The following DNM2 variants were observed in gnomAD, a reference collection of about 807,000 sequenced individuals.
DNM2 encodes dynamin 2, also known as dynamin-2.
In DNM2, 15 loss-of-function variants were observed where a neutral mutation model predicts 99.0. That is an observed-to-expected ratio of 0.15 (90% CI 0.10 to 0.23). DNM2 has a LOEUF of 0.23. DNM2 is among the 10% of genes least tolerant of loss of function. The pLI is 1.00. For missense variants in DNM2, 742 were observed against 1,189.4 expected (o/e 0.62, Z 5.53); for synonymous variants, 525 against 481.2 (o/e 1.09, Z -1.19).
rs1555716924 is a variant in DNM2, at chr19:10,829,113, G to A, written c.2136G>A (p.Ser712=). The part of the protein sequence containing the change: ...SADQSSLMEE[S]ADQAQRRDDM... ...ACCAGAGCAGCCTCATGGAGGAGTCGGCTGACCAGGCACAGCGGCGGGACG... is the reference window on the plus strand; with the variant it reads ...ACCAGAGCAGCCTCATGGAGGAGTCAGCTGACCAGGCACAGCGGCGGGACG... The change falls in exon 19 of 21, where the codon TCG becomes TCA. Residue 712 remains serine (S), a synonymous_variant. Transcript: ENST00000389253. 36 of 1,614,012 alleles carry A rather than the reference G, an allele frequency of 2.2e-5. No homozygotes were observed. The highest frequency in any genetic ancestry group is 3.0e-5 in the Non-Finnish European group (35 of 1,180,008).
intron 10 of DNM2, among the ~76,000 whole-genome samples, chr19:10,798,064 C>T (rs1326669240): frequency 1.3e-5 from 2 of 152,112 alleles, no homozygotes; most frequent in Non-Finnish European, 2.9e-5. Flanking sequence ...GAGTTCCTAT[C>T]GAGGCTGATG....
chr19:10,806,814 T>A (rs1182784135), intron 13 of DNM2, among the ~76,000 whole-genome samples: 1 of 151,924 alleles, frequency 6.6e-6, no homozygotes, highest in Non-Finnish European at 1.5e-5. Context: ...ATAATAAAGA[T>A]ATAAATAAGA....
intron 1 of DNM2, among the ~76,000 whole-genome samples, chr19:10,725,564 T>C (rs1451455952): frequency 1.3e-5 from 2 of 152,146 alleles, no homozygotes; most frequent in African/African-American, 4.8e-5. Flanking sequence ...TATGGAAGGC[T>C]TGGTTCTGCC....
intron 5 of DNM2, among the ~76,000 whole-genome samples, chr19:10,779,466 A>G (rs1238983407): frequency 9.6e-6 from 1 of 104,174 alleles, no homozygotes; most frequent in Admixed American, 9.2e-5. Flanking sequence ...TCTTGCTGTT[A>G]TAAGTTTTTT....
chr19:10,775,744 G>C lies in DNM2; in HGVS notation c.427G>C (p.Val143Leu), dbSNP rs1366173686. ...TLIDLPGITK[V>L]PVGDQPPDIE... is the part of the protein sequence containing the mutation. ...CATCGACCTCCCGGGTATCACCAAG[G>C]TGCCTGTGGGCGACCAGCCTCCAGA... The change falls in exon 4 of 21, where the codon GTG becomes CTG. Residue 143 changes from valine (V) to leucine (L), a missense_variant. This residue lies in a region of DNM2 where 192 missense variants were observed against 358.9 expected (regional missense o/e 0.54). Coordinates refer to ENST00000389253, the MANE Select transcript of DNM2 (RefSeq NM_001005361.3). This position sits in a 1 kb window ranked among gnomAD's most constrained non-coding sequence, Gnocchi z 4.3. 1.9e-6 allele frequency: 3 copies of C among 1,614,086 alleles called. No homozygotes were observed. Among genetic ancestry groups the C allele is most frequent in the Non-Finnish European group, 2.5e-6 (3 of 1,180,020 alleles).
chr19:10,805,274 G>A (rs2072291798), intron 12 of DNM2, among the ~76,000 whole-genome samples: 1 of 152,230 alleles, frequency 6.6e-6, no homozygotes, highest in African/African-American at 2.4e-5. Flanking sequence ...ACAGTCTGAT[G>A]TCTAAGACTG....
chr19:10,802,746 G>A (rs2072198244), intron 12 of DNM2: 5 of 340,988 alleles, frequency 1.5e-5, no homozygotes, highest in South Asian at 1.3e-4. Flanking sequence ...TGGGCTCAGG[G>A]CTCCGGAAGC....
chr19:10,823,970 AG>A, intron 17 of DNM2, 71 bp downstream of exon 17: 1 of 1,472,586 alleles, frequency 6.8e-7, no homozygotes, highest in South Asian at 1.1e-5. Context: ...GGCTTTCCCC[AG>A]GACAGGTCAT....
At chr19:10,726,855 T>G (rs907414560) in intron 1 of DNM2, among the ~76,000 whole-genome samples, 1 of 152,106 alleles carries the variant, frequency 6.6e-6, no homozygotes, top group African/African-American at 2.4e-5. Context: ...AGAGCGAGAC[T>G]CTGTCTCAAA....
intron 1 of DNM2, among the ~76,000 whole-genome samples, chr19:10,730,490 A>AG (rs1199228371): frequency 1.3e-5 from 2 of 151,536 alleles, no homozygotes; most frequent in African/African-American, 4.9e-5. Context: ...AAAAAAAAAA[A>AG]GTAGCTAAAA....
intron 11 of DNM2, among the ~76,000 whole-genome samples, chr19:10,801,919 A>C (rs553053095): frequency 1.4e-4 from 21 of 151,884 alleles, no homozygotes; most frequent in South Asian, 1.0e-3. Context: ...AAAAAAAAAA[A>C]AAAAACAAAA....
At chr19:10,786,421 C>T in intron 6 of DNM2, 143 bp from the exon 7 acceptor site, 1 of 1,288,742 alleles carries the variant, frequency 7.8e-7, no homozygotes. Context: ...CTTGATTTAT[C>T]TGTTGCTGTC....
chr19:10,754,388 G>A (rs1417375736), intron 1 of DNM2, among the ~76,000 whole-genome samples: 2 of 150,500 alleles, frequency 1.3e-5, no homozygotes, highest in Non-Finnish European at 3.0e-5. Context: ...GAGTAGCTGG[G>A]ACTACAGGCA....
At chr19:10,745,054 T>C (rs1253170427) in intron 1 of DNM2, among the ~76,000 whole-genome samples, 1 of 152,096 alleles carries the variant, frequency 6.6e-6, no homozygotes, top group Admixed American at 6.6e-5. Context: ...TCAAATCACG[T>C]TGGAGACTAT....
intron 1 of DNM2, among the ~76,000 whole-genome samples, chr19:10,759,343 T>G (rs2070536916): frequency 6.6e-6 from 1 of 152,218 alleles, no homozygotes; most frequent in Non-Finnish European, 1.5e-5. Context: ...AAACACATCC[T>G]ATTTTGTCAT....
At chr19:10,798,594 T>C in intron 11 of DNM2, 22 bp downstream of exon 11, 1 of 1,613,776 alleles carries the variant, frequency 6.2e-7, no homozygotes, top group Non-Finnish European at 8.5e-7. Flanking sequence ...TTGTCTTCTT[T>C]ATTGGGTATA....
chr19:10,728,153 T>C (rs1162037213), intron 1 of DNM2, among the ~76,000 whole-genome samples: 1 of 152,196 alleles, frequency 6.6e-6, no homozygotes, highest in African/African-American at 2.4e-5. Flanking sequence ...TGGATGACTG[T>C]TTCAGTTTCA....
intron 12 of DNM2, chr19:10,803,666 C>T: frequency 1.0e-6 from 1 of 986,268 alleles, no homozygotes; most frequent in South Asian, 4.7e-5. Flanking sequence ...AGCTGGTGAC[C>T]TGGTGGGTAT....
intron 1 of DNM2, among the ~76,000 whole-genome samples, chr19:10,719,322 A>C (rs568238737): frequency 4.5e-4 from 68 of 152,042 alleles, no homozygotes; most frequent in Middle Eastern, 3.2e-3. Flanking sequence ...GGGGTACCTT[A>C]CTTCAGGATT....
Sources: allele counts gnomAD v4.1 joint callset (sites outside exome capture counted in the v4.1 genomes callset), GRCh38; gene constraint gnomAD v4.1.1; regional missense constraint gnomAD v4.1.1; non-coding constraint Gnocchi (gnomAD v3.1); transcripts MANE v1.5; gene names NCBI Gene and HGNC (gene_info 2026-07-23, HGNC 2026-07-21).